SLFN13: variants seen among roughly 807,000 people sequenced by gnomAD.
SLFN13 encodes schlafen-13.
SLFN13 carries 43 observed loss-of-function variants against 50.6 expected under a neutral mutation model. The observed-to-expected ratio is 0.85, with a 90% CI of 0.67 to 1.09. The LOEUF (loss-of-function observed/expected upper bound fraction) is 1.09. Among genes scored for constraint, SLFN13 ranks in the 50% least tolerant of loss-of-function variants. The pLI is 0.00. For synonymous variants in SLFN13, 339 were observed against 386.5 expected, an observed-to-expected ratio of 0.88 and a Z score of 1.44; for missense variants, 881 against 1,071.1, an observed-to-expected ratio of 0.82 and a Z score of 2.48.
chr17:35,443,887 G>A lies in SLFN13; in HGVS notation c.1100C>T (p.Ser367Phe). The A allele has an allele frequency of 6.2e-7, 1 of 1,613,678 alleles. No homozygotes were observed. Among genetic ancestry groups the A allele is most frequent in the Non-Finnish European group, 8.5e-7 (1 of 1,179,698 alleles). ...FPPDFAEAFE[S>F]QLSLSDSPSL... ...AGGACTGTCAGATAGACTCAACTGAGACTCAAAGGCCTCAGCAAAGTCTGG... is the reference window on the plus strand; with the variant it reads ...AGGACTGTCAGATAGACTCAACTGAAACTCAAAGGCCTCAGCAAAGTCTGG... The change falls in exon 4 of 6, where the codon TCT becomes TTT. Residue 367 changes from serine to phenylalanine, a missense_variant. Around this residue, in one of 5 missense-constraint regions of SLFN13, gnomAD observed 497 missense variants for 518.3 expected, o/e 0.96. Coordinates refer to ENST00000285013, the MANE Select transcript of SLFN13 (RefSeq NM_144682.6).
intron 2 of SLFN13, chr17:35,446,872 T>C (rs1420126569): frequency 2.0e-5 from 3 of 152,208 alleles, no homozygotes; most frequent in Non-Finnish European, 2.9e-5. Context: ...TGCCTAGAAA[T>C]TTCTACCGTC....
In SLFN13 at chr17:35,443,895, G is replaced by C; in HGVS notation, c.1092C>G (p.Ala364=). ...CAGATAGACTCAACTGAGACTCAAAGGCCTCAGCAAAGTCTGGAGGAAACT... is the reference window on the plus strand; with the variant it reads ...CAGATAGACTCAACTGAGACTCAAACGCCTCAGCAAAGTCTGGAGGAAACT... ...DPEFPPDFAE[A]FESQLSLSDS... is the part of the protein sequence containing the mutation. Residue 364 remains alanine (A), a synonymous_variant, in exon 4 of 6, where the codon GCC becomes GCG. Coordinates refer to ENST00000285013, the MANE Select transcript of SLFN13 (RefSeq NM_144682.6). The C allele has an allele frequency of 6.2e-7, 1 of 1,613,400 alleles. No individual in the cohort carries two copies. Among genetic ancestry groups the C allele is most frequent in the Non-Finnish European group, 8.5e-7 (1 of 1,179,530 alleles).
At chr17:35,446,946 T>C (rs894269631) in intron 2 of SLFN13, 17 of 152,220 alleles carry the variant, frequency 1.1e-4, no homozygotes, top group African/African-American at 3.9e-4. Context: ...TAAAATATTC[T>C]TTTTGATATA....
In SLFN13 at chr17:35,444,880, G is replaced by T. The variant is rs1457858693; in HGVS notation, c.801C>A (p.Asp267Glu). ...CTCTTGCAATTACATTTTTCAAAGA[G>T]TCAGGGTCAACCTGTTCTTTGGCAC... ...LGCAKEQVDP[D>E]SLKNVIARAI... Residue 267 changes from aspartate (D) to glutamate (E), a missense_variant, in exon 3 of 6, where the codon GAC becomes GAA. Coordinates refer to ENST00000285013, the MANE Select transcript of SLFN13 (RefSeq NM_144682.6). The T allele has an allele frequency of 6.2e-7, 1 of 1,614,232 alleles. No homozygotes were observed. Among genetic ancestry groups the T allele is most frequent in the Non-Finnish European group, 8.5e-7 (1 of 1,180,042 alleles).
rs1194379335 is a variant in SLFN13 at position 35,443,701 on chromosome 17, G to T, written c.1198+88C>A. The stretch of plus-strand genomic sequence containing the variant: ...ATTGTCACTGTGTACACCTGGATCT[G>T]CAGGACACAATCTTTCATGGATTTG... On this transcript the variant is annotated intron_variant, in intron 4 of 5. Coordinates refer to ENST00000285013, the MANE Select transcript of SLFN13 (RefSeq NM_144682.6). The T allele has an allele frequency of 7.0e-6, 10 of 1,422,066 alleles. No homozygotes were observed. The Middle Eastern group carries it at 6.0e-4, about 85-fold the overall frequency. 88.1% of individuals were successfully genotyped at this position (1,422,066 alleles called of 1,614,324 possible).
Position 35,436,049 on chromosome 17 carries a change from TTTCA to T in SLFN13, c.*4542_*4545del, listed in dbSNP as rs1912636906. 6.6e-6 allele frequency: 1 copy of T among 152,200 alleles called. No individual in the cohort carries two copies. Among genetic ancestry groups the T allele is most frequent in the African/African-American group, 2.4e-5 (1 of 41,450 alleles). The allele number at this position is 152,200 out of a possible 1,614,324, so 9.4% of individuals were successfully genotyped here. A position where few individuals can be genotyped will look rare whatever the true frequency, so the allele number is the denominator to read the frequency against. On this transcript the variant is annotated 3_prime_UTR_variant, in exon 6 of 6. Transcript: ENST00000285013. ...GTTTGCTAAAATTTTGTTTAGAATT[TTTCA>T]TGTAGATATTTGAGTGATAATTGAG...
Position 35,445,179 on chromosome 17 carries a change from C to T in SLFN13, c.502G>A (p.Glu168Lys). 2 of 1,613,382 alleles carry T rather than the reference C, an allele frequency of 1.2e-6. No homozygotes were observed. Among genetic ancestry groups the T allele is most frequent in the South Asian group, 2.2e-5 (2 of 91,062 alleles). ...ATAATTTTACTAGGTGGAGACCCTTCATTAATCAGATTATATTTGGACTGT... is the reference window on the plus strand; with the variant it reads ...ATAATTTTACTAGGTGGAGACCCTTTATTAATCAGATTATATTTGGACTGT... ...ERQSKYNLIN[E>K]GSPPSKIMKA... The change falls in exon 3 of 6, where the codon GAA (glutamate) becomes AAA (lysine). Residue 168 changes from glutamate (E) to lysine (K), a missense_variant. By Grantham distance (56) the Glu-to-Lys change is moderately conservative. Coordinates refer to ENST00000285013, the MANE Select transcript of SLFN13 (RefSeq NM_144682.6).
rs1912692657 is a variant in SLFN13, at chr17:35,438,119, A to AT, written c.*2475_*2476insA. Reference sequence around the variant, plus strand: ...GACCTTTTCTCTTTAAAAAAAAAAAAAAAAAAAATTTACAGTTAATCTTGC... The same window carrying AT: ...GACCTTTTCTCTTTAAAAAAAAAAAATAAAAAAAATTTACAGTTAATCTTGC... On this transcript the variant is annotated 3_prime_UTR_variant, in exon 6 of 6. Transcript: ENST00000285013. 6.6e-6 allele frequency: 1 copy of AT among 151,682 alleles called. No homozygotes were observed. Among genetic ancestry groups the AT allele is most frequent in the Admixed American group, 6.6e-5 (1 of 15,242 alleles). 9.4% of individuals were successfully genotyped at this position (151,682 alleles called of 1,614,324 possible). A position where few individuals can be genotyped will look rare whatever the true frequency, so the allele number is the denominator to read the frequency against.
rs146777094 is a variant in SLFN13, at chr17:35,441,074, C to A, written c.2215G>T (p.Glu739Ter). The change falls in exon 6 of 6, where the codon GAG (glutamate) becomes TAG (stop). Residue 739 changes from glutamate to a stop codon, truncating the protein, a stop_gained. Transcript: ENST00000285013. LOFTEE classifies it low-confidence loss of function (END_TRUNC). ...RVVRNADEIAEYIQQEMQLII... is the reference protein window; with the variant it reads ...RVVRNADEIA ...AGTTGCATTTCTTGTTGTATGTACT[C>A]GGCTATTTCATCTGCATTGCGAACT... 2.5e-6 allele frequency: 4 copies of A among 1,613,878 alleles called. No homozygotes were observed. Among genetic ancestry groups the A allele is most frequent in the Middle Eastern group, 1.6e-4 (1 of 6,062 alleles).
chr17:35,441,355 A>C lies in SLFN13; in HGVS notation c.1934T>G (p.Ile645Ser). The C allele has an allele frequency of 6.2e-7, 1 of 1,602,520 alleles. No homozygotes were observed. Among genetic ancestry groups the C allele is most frequent in the Non-Finnish European group, 8.5e-7 (1 of 1,176,292 alleles). Residue 645 changes from isoleucine to serine, a missense_variant, in exon 6 of 6, where the codon ATC becomes AGC. Ile to Ser is a moderately radical substitution (Grantham distance 142). This residue lies in a region of SLFN13 where 322 missense variants were observed against 327.4 expected (regional missense o/e 0.98). Transcript: ENST00000285013. ...AGTTTCCCGGGTCTCTGCTCGGCAG[A>C]TATTTCTATCACTGTAAAAATTAAA... The part of the protein sequence containing the change: ...PLRNFISDRN[I>S]CRAETRETFL...
upstream of SLFN13, among the ~76,000 whole-genome samples, chr17:35,449,404 T>C (rs1401839834): frequency 6.6e-6 from 1 of 151,766 alleles, no homozygotes. Flanking sequence ...CCTCTGAGGG[T>C]CCAGCCAAGC....
chr17:35,448,100 G>C (rs1038755467), intron 1 of SLFN13, among the ~76,000 whole-genome samples: 37 of 151,340 alleles, frequency 2.4e-4, no homozygotes, highest in Non-Finnish European at 4.4e-4. Context: ...GCCCAGGCTG[G>C]TCTCGAAATC....
intron 2 of SLFN13, among the ~76,000 whole-genome samples, chr17:35,446,361 CTT>C (rs1913213207): frequency 6.6e-6 from 1 of 152,136 alleles, no homozygotes; most frequent in Non-Finnish European, 1.5e-5. Flanking sequence ...TTAACTGTGA[CTT>C]TGAAAAATGC....
In SLFN13 at chr17:35,443,869, T is replaced by G; in HGVS notation, c.1118A>C (p.Asp373Ala). 1 of 1,613,892 alleles carries G rather than the reference T, an allele frequency of 6.2e-7. No individual in the cohort carries two copies. The highest frequency in any genetic ancestry group is 1.1e-5 in the South Asian group (1 of 91,072). ...CACTGGTCTGCAAAGTGAAGGACTGTCAGATAGACTCAACTGAGACTCAAA... is the reference window on the plus strand; with the variant it reads ...CACTGGTCTGCAAAGTGAAGGACTGGCAGATAGACTCAACTGAGACTCAAA... ...EAFESQLSLSDSPSLCRPVYS... is the reference protein window; with the variant it reads ...EAFESQLSLSASPSLCRPVYS... The change falls in exon 4 of 6, where the codon GAC (aspartate) becomes GCC (alanine). Residue 373 changes from aspartate to alanine, a missense_variant. Asp to Ala is a moderately radical substitution (Grantham distance 126). Around this residue, in one of 5 missense-constraint regions of SLFN13, gnomAD observed 497 missense variants for 518.3 expected, o/e 0.96. Coordinates refer to ENST00000285013, the MANE Select transcript of SLFN13 (RefSeq NM_144682.6).
intron 2 of SLFN13, chr17:35,447,037 T>A (rs556953317): frequency 1.3e-5 from 2 of 152,204 alleles, no homozygotes; most frequent in Non-Finnish European, 2.9e-5. Context: ...TAGTTTTTCA[T>A]TGGTAACTGT....
intron 4 of SLFN13, 74 bp downstream of exon 4, chr17:35,443,715 T>C: frequency 6.6e-7 from 1 of 1,504,018 alleles, no homozygotes; most frequent in Non-Finnish European, 9.1e-7. Flanking sequence ...GACACAATCT[T>C]TCATGGATTT....
rs1332475075 is a variant in SLFN13, at chr17:35,441,550, T to G, written c.1922+13A>C. On this transcript the variant is annotated intron_variant, in intron 5 of 5. Transcript: ENST00000285013. ...TTAAATAAAACTTAAAGACGTAAGA[T>G]CCAACTGCTTACCTGATAAAGTTCC... 6.2e-7 allele frequency: 1 copy of G among 1,611,030 alleles called. No individual in the cohort carries two copies. Among genetic ancestry groups the G allele is most frequent in the African/African-American group, 1.4e-5 (1 of 73,608 alleles).
In SLFN13 at chr17:35,441,082, T is replaced by G; in HGVS notation, c.2207A>C (p.Glu736Ala). The G allele has an allele frequency of 6.2e-7, 1 of 1,614,060 alleles. No individual in the cohort carries two copies. The highest frequency in any genetic ancestry group is 1.1e-5 in the South Asian group (1 of 91,082). The change falls in exon 6 of 6, where the codon GAA becomes GCA. Residue 736 changes from glutamate to alanine, a missense_variant. Glu to Ala is a moderately radical substitution (Grantham distance 107, BLOSUM62 -1). Around this residue, in one of 5 missense-constraint regions of SLFN13, gnomAD observed 322 missense variants for 327.4 expected, o/e 0.98. Coordinates refer to ENST00000285013, the MANE Select transcript of SLFN13 (RefSeq NM_144682.6). ...ELTRVVRNAD[E>A]IAEYIQQEMQ... Reference sequence around the variant, plus strand: ...TTCTTGTTGTATGTACTCGGCTATTTCATCTGCATTGCGAACTACTCTGGT... The same window carrying G: ...TTCTTGTTGTATGTACTCGGCTATTGCATCTGCATTGCGAACTACTCTGGT...
chr17:35,440,437 G>A lies in SLFN13; in HGVS notation c.*158C>T. On this transcript the variant is annotated 3_prime_UTR_variant, in exon 6 of 6. Transcript: ENST00000285013. Reference sequence around the variant, plus strand: ...GAGTTGGGGGAGGAACCCCTGAAAGGAGAGCCAGAAATGGGGGAGCTCCAA... The same window carrying A: ...GAGTTGGGGGAGGAACCCCTGAAAGAAGAGCCAGAAATGGGGGAGCTCCAA... The A allele has an allele frequency of 2.3e-6, 2 of 874,244 alleles. No individual in the cohort carries two copies. The highest frequency in any genetic ancestry group is 3.5e-6 in the Non-Finnish European group (2 of 576,670). The allele number at this position is 874,244 out of a possible 1,614,324, so 54.2% of individuals were successfully genotyped here.
Sources: gnomAD v4.1 joint callset for allele counts (sites outside exome capture counted in the v4.1 genomes callset) on GRCh38, gnomAD v4.1.1 for gene constraint, gnomAD v4.1.1 regional missense constraint, MANE v1.5 for transcripts, NCBI Gene and HGNC (gene_info 2026-07-23, HGNC 2026-07-21) for gene names.